Variants in PRKAG2 observed in about 807,000 individuals in gnomAD.
The protein encoded by PRKAG2 is protein kinase AMP-activated non-catalytic subunit gamma 2, also known as 5'-AMP-activated protein kinase subunit gamma-2.
In PRKAG2, 26 loss-of-function variants were observed where a neutral mutation model predicts 69.6. The ratio of observed to expected loss-of-function variants is 0.37; its 90% CI spans 0.27 to 0.52. The LOEUF (loss-of-function observed/expected upper bound fraction) is 0.52. Ranked by LOEUF, PRKAG2 falls within the 20% of genes least tolerant of loss-of-function variation. PRKAG2 has a pLI of 0.90. For synonymous variants in PRKAG2, 293 were observed against 285.0 expected (o/e 1.03, Z -0.28); for missense variants, 557 against 740.0 (o/e 0.75, Z 2.87).
At chr7:151,842,547 A>G (rs1563747093) in intron 1 of PRKAG2, among the ~76,000 whole-genome samples, 1 of 137,646 alleles carries the variant, frequency 7.3e-6, no homozygotes, top group East Asian at 2.3e-4. Context: ...TAGTGATGGT[A>G]GGTAGTGATG....
chr7:151,875,303 C>T (rs2080359558), intron 1 of PRKAG2, among the ~76,000 whole-genome samples: 2 of 152,194 alleles, frequency 1.3e-5, no homozygotes, highest in Admixed American at 6.5e-5. Context: ...ACCCTCTTCA[C>T]CCAAGCGTTA....
chr7:151,872,050 G>A (rs767924366), intron 1 of PRKAG2, among the ~76,000 whole-genome samples: 40 of 152,336 alleles, frequency 2.6e-4, no homozygotes, highest in Admixed American at 2.2e-3. Flanking sequence ...CTGAGGCTGG[G>A]GTGAGGAAGC....
chr7:151,751,332 T>A (rs1027187621), intron 3 of PRKAG2, among the ~76,000 whole-genome samples: 3 of 151,976 alleles, frequency 2.0e-5, no homozygotes, highest in African/African-American at 7.2e-5. Context: ...GCCAGGATGG[T>A]CTCGATCTCC....
chr7:151,774,411 T>C (rs1487424602), intron 3 of PRKAG2, among the ~76,000 whole-genome samples: 2 of 152,206 alleles, frequency 1.3e-5, no homozygotes, highest in Non-Finnish European at 2.9e-5. Context: ...TAGAGTGTCT[T>C]AGAAGATTGA....
intron 3 of PRKAG2, among the ~76,000 whole-genome samples, chr7:151,726,656 A>C (rs957620664): frequency 1.3e-5 from 2 of 152,120 alleles, no homozygotes; most frequent in African/African-American, 4.8e-5. Flanking sequence ...CGCCGCACGC[A>C]GGCACGGCTG....
intron 4 of PRKAG2, among the ~76,000 whole-genome samples, chr7:151,665,358 G>A (rs1298601964): frequency 6.6e-6 from 1 of 152,184 alleles, no homozygotes; most frequent in Non-Finnish European, 1.5e-5. Flanking sequence ...GGAACAGAAT[G>A]AGTAAGAATC....
intron 3 of PRKAG2, among the ~76,000 whole-genome samples, chr7:151,730,793 C>T (rs1241309608): frequency 2.6e-5 from 4 of 152,252 alleles, no homozygotes; most frequent in East Asian, 1.9e-4. Context: ...AGCCATGGCA[C>T]GCAGTATTGG....
intron 1 of PRKAG2, among the ~76,000 whole-genome samples, chr7:151,795,848 T>TATAG (rs1338926852): frequency 6.4e-3 from 75 of 11,652 alleles, no homozygotes; most frequent in African/African-American, 0.022. Flanking sequence ...ACAAATCTCA[T>TATAG]ATATATATAT....
At position 151,876,625 on chromosome 7, in the gene PRKAG2, C is replaced by G; in HGVS notation, c.-5G>C. ...GTCCATAACCGCGCTTCCCATAACT[C>G]TAACCAGAAGTTGATTCTGCGAAAC... On this transcript the variant is annotated 5_prime_UTR_variant, in exon 1 of 16. Transcript: ENST00000287878. The G allele has an allele frequency of 6.2e-7, 1 of 1,607,864 alleles. No individual in the cohort carries two copies. Among genetic ancestry groups the G allele is most frequent in the Non-Finnish European group, 8.5e-7 (1 of 1,179,696 alleles).
intron 1 of PRKAG2, among the ~76,000 whole-genome samples, chr7:151,789,507 GTC>G (rs1193105597): frequency 1.3e-5 from 2 of 152,196 alleles, no homozygotes; most frequent in East Asian, 3.8e-4. Context: ...TGTGCTCCAA[GTC>G]TCTGCTTAAA....
intron 1 of PRKAG2, among the ~76,000 whole-genome samples, chr7:151,817,272 GTCAGAA>G (rs2078668249): frequency 6.6e-6 from 1 of 152,198 alleles, no homozygotes; most frequent in South Asian, 2.1e-4. Flanking sequence ...TGGGGCTGGT[GTCAGAA>G]TCAGAAGTGA....
intron 5 of PRKAG2, among the ~76,000 whole-genome samples, chr7:151,607,921 T>C (rs1416803859): frequency 6.6e-6 from 1 of 152,152 alleles, no homozygotes; most frequent in Non-Finnish European, 1.5e-5. Flanking sequence ...TGAGACCTTA[T>C]TTGCAATAAG....
intron 1 of PRKAG2, chr7:151,809,734 G>A (rs2078318589): frequency 1.3e-5 from 2 of 155,786 alleles, no homozygotes; most frequent in South Asian, 1.9e-4. Flanking sequence ...AAACCTTGGG[G>A]AATGGCAATT....
intron 3 of PRKAG2, among the ~76,000 whole-genome samples, chr7:151,706,320 A>T (rs1838590865): frequency 6.6e-6 from 1 of 152,206 alleles, no homozygotes; most frequent in Non-Finnish European, 1.5e-5. Flanking sequence ...ACTAGTTGCA[A>T]TCAAGGCTGC....
chr7:151,611,826 G>A (rs992383561), intron 5 of PRKAG2, among the ~76,000 whole-genome samples: 1 of 152,132 alleles, frequency 6.6e-6, no homozygotes, highest in Non-Finnish European at 1.5e-5. Flanking sequence ...GGACGAGGCG[G>A]GCAGATTACT....
chr7:151,873,493 G>A (rs2080267546), intron 1 of PRKAG2, among the ~76,000 whole-genome samples: 1 of 152,194 alleles, frequency 6.6e-6, no homozygotes, highest in Non-Finnish European at 1.5e-5. Flanking sequence ...ATGACCATTA[G>A]GCAGATGAGG....
rs73475443 is a variant in PRKAG2 at position 151,585,022 on chromosome 7, C to G, written c.865-8570G>C. On this transcript the variant is annotated intron_variant, in intron 6 of 15. Coordinates refer to ENST00000287878, the MANE Select transcript of PRKAG2 (RefSeq NM_016203.4). ...GGCACCATGAACTGACCACAAGACACATGATGATGGAATTTTAGGGTACCA... is the reference window on the plus strand; with the variant it reads ...GGCACCATGAACTGACCACAAGACAGATGATGATGGAATTTTAGGGTACCA... 1.5e-3 allele frequency among the ~76,000 whole-genome samples: 234 copies of G among 152,264 alleles called. 1 individual carries two copies. The highest frequency in any genetic ancestry group is 5.3e-3 in the African/African-American group (221 of 41,552).
At chr7:151,603,530 C>T (rs1200310055) in intron 5 of PRKAG2, among the ~76,000 whole-genome samples, 2 of 114,758 alleles carry the variant, frequency 1.7e-5, no homozygotes, top group Non-Finnish European at 3.5e-5. Flanking sequence ...GTCCTCACCG[C>T]ACACGGAGGC....
intron 3 of PRKAG2, among the ~76,000 whole-genome samples, chr7:151,708,249 C>CTTA (rs1838953409): frequency 1.3e-5 from 1 of 79,734 alleles, no homozygotes. Context: ...TCGGATGAAT[C>CTTA]TTATTATTTC....
Sources: gnomAD v4.1 joint callset for allele counts (sites outside exome capture counted in the v4.1 genomes callset) on GRCh38, gnomAD v4.1.1 for gene constraint, MANE v1.5 for transcripts, NCBI Gene and HGNC (gene_info 2026-07-23, HGNC 2026-07-21) for gene names.